CHRDL1: variants seen among roughly 807,000 people sequenced by gnomAD.
The protein encoded by CHRDL1 is chordin-like protein 1.
Under a neutral mutation model 40.9 loss-of-function variants are expected in CHRDL1, and 19 were observed. The ratio of observed to expected loss-of-function variants is 0.46; its 90% CI spans 0.32 to 0.68. The LOEUF is 0.68. Among genes scored for constraint, CHRDL1 ranks in the 30% least tolerant of loss-of-function variants. CHRDL1 has a pLI of 0.03. For missense variants in CHRDL1, 329 were observed against 352.1 expected, an observed-to-expected ratio of 0.93 and a Z score of 0.53; for synonymous variants, 136 against 123.4, an observed-to-expected ratio of 1.10 and a Z score of -0.68.
rs185944210 is a variant in CHRDL1, at chrX:110,716,279, C to G, written c.541+3556G>C. ...ATTCAGGGGGAAAAATGCACAACAA[C>G]CATATTCTTTTTTGGTAGCACCTAA... On this transcript the variant is annotated intron_variant, in intron 6 of 11. Coordinates refer to ENST00000372042, the MANE Select transcript of CHRDL1 (RefSeq NM_001143981.2). Among the ~76,000 whole-genome samples the G allele has an allele frequency of 1.6e-4, 18 of 110,412 alleles. No homozygotes were observed. In the East Asian group the frequency reaches 5.1e-3, roughly 31 times the overall value.
intron 8 of CHRDL1, among the ~76,000 whole-genome samples, chrX:110,691,859 GT>G (rs1236844135): frequency 2.7e-5 from 3 of 110,762 alleles, no homozygotes; most frequent in African/African-American, 9.9e-5. Context: ...CAACTGTGAG[GT>G]CAGGGCTGTG....
At chrX:110,759,834 G>T in intron 3 of CHRDL1, 80 bp from the exon 4 acceptor site, 1 of 654,180 alleles carries the variant, frequency 1.5e-6, no homozygotes, top group Non-Finnish European at 2.6e-6. Flanking sequence ...AAACAGTCAT[G>T]CAGGGACTCA....
chrX:110,682,236 A>G (rs1488658263), intron 9 of CHRDL1, among the ~76,000 whole-genome samples: 1 of 112,389 alleles, frequency 8.9e-6, no homozygotes, highest in African/African-American at 3.2e-5. Context: ...TTGTAAGGGG[A>G]ACAATAATAC....
intron 4 of CHRDL1, among the ~76,000 whole-genome samples, chrX:110,752,600 G>T (rs2089378970): frequency 9.0e-6 from 1 of 110,868 alleles, no homozygotes; most frequent in African/African-American, 3.3e-5. Context: ...CTGCTATTCA[G>T]ACACCAACAT....
At chrX:110,713,151 G>A (rs1025356232) in intron 6 of CHRDL1, among the ~76,000 whole-genome samples, 1 of 111,278 alleles carries the variant, frequency 9.0e-6, no homozygotes, top group African/African-American at 3.3e-5. Flanking sequence ...TCACCTCCCT[G>A]ACTAGGTCAA....
chrX:110,753,807 C>CAAGTG, intron 4 of CHRDL1, among the ~76,000 whole-genome samples: 1 of 111,708 alleles, frequency 9.0e-6, no homozygotes, highest in Admixed American at 9.5e-5. Flanking sequence ...TCAGAGTAAA[C>CAAGTG]AAGTGATTTT....
At chrX:110,753,966 C>T (rs1043025142) in intron 4 of CHRDL1, among the ~76,000 whole-genome samples, 3 of 112,071 alleles carry the variant, frequency 2.7e-5, no homozygotes, top group African/African-American at 9.7e-5. Flanking sequence ...ATAGAAATTG[C>T]ATTAGTTCAT....
At chrX:110,723,312 G>A (rs1413197119) in intron 4 of CHRDL1, among the ~76,000 whole-genome samples, 4 of 111,526 alleles carry the variant, frequency 3.6e-5, no homozygotes, top group Admixed American at 9.5e-5. Flanking sequence ...TTCTCAGTAT[G>A]TAGTGAAAAT....
intron 4 of CHRDL1, among the ~76,000 whole-genome samples, chrX:110,750,867 A>G (rs2089346672): frequency 8.9e-6 from 1 of 111,787 alleles, no homozygotes; most frequent in Non-Finnish European, 1.9e-5. Context: ...TCCTGGGGAA[A>G]TGTCACACAA....
At chrX:110,676,462 T>C (rs931595856) in intron 11 of CHRDL1, 101 bp from the exon 12 acceptor site, 14 of 758,113 alleles carry the variant, frequency 1.8e-5, no homozygotes, top group African/African-American at 4.3e-5. Context: ...CACTTACTCA[T>C]GGACCTACCA....
intron 4 of CHRDL1, among the ~76,000 whole-genome samples, chrX:110,738,576 C>T (rs780448680): frequency 9.1e-6 from 1 of 109,426 alleles, no homozygotes; most frequent in Non-Finnish European, 1.9e-5. Context: ...CCCCATCTCT[C>T]CTAAAAATAC....
chrX:110,775,342 A>C (rs755988626), intron 2 of CHRDL1, among the ~76,000 whole-genome samples: 14 of 111,763 alleles, frequency 1.3e-4, no homozygotes, highest in Admixed American at 3.8e-4. Flanking sequence ...CCACTAAAAA[A>C]ATAAAATTTG....
At chrX:110,709,527 C>A (rs991663761) in intron 6 of CHRDL1, among the ~76,000 whole-genome samples, 3 of 112,410 alleles carry the variant, frequency 2.7e-5, no homozygotes, top group Non-Finnish European at 3.8e-5. Flanking sequence ...TCGGCTCACA[C>A]CTTCTAAACT....
At chrX:110,704,706 T>TC (rs2070587682) in intron 6 of CHRDL1, among the ~76,000 whole-genome samples, 2 of 111,176 alleles carry the variant, frequency 1.8e-5, no homozygotes, top group African/African-American at 3.3e-5. Context: ...GATTTACTTG[T>TC]CCCCCTTGTT....
At chrX:110,677,542 A>T (rs1336758178) in intron 11 of CHRDL1, among the ~76,000 whole-genome samples, 1 of 111,677 alleles carries the variant, frequency 9.0e-6, no homozygotes, top group Non-Finnish European at 1.9e-5. Flanking sequence ...GTCCCCTGGA[A>T]CCTAGAACAA....
chrX:110,782,617 T>C (rs993372161), intron 2 of CHRDL1, among the ~76,000 whole-genome samples: 4 of 112,802 alleles, frequency 3.5e-5, no homozygotes, highest in Non-Finnish European at 7.5e-5. Flanking sequence ...AAAGACTATA[T>C]AAAATAGTGC....
At chrX:110,780,453 G>T in intron 2 of CHRDL1, among the ~76,000 whole-genome samples, 1 of 111,402 alleles carries the variant, frequency 9.0e-6, no homozygotes, top group Non-Finnish European at 1.9e-5. Flanking sequence ...TAATTACATA[G>T]TTCTACACCA....
intron 6 of CHRDL1, among the ~76,000 whole-genome samples, chrX:110,715,286 T>A (rs197028): frequency 1.8e-5 from 2 of 111,395 alleles, no homozygotes; most frequent in African/African-American, 6.6e-5. Context: ...GAACTAGAAC[T>A]AAAGTTCTGT....
chrX:110,772,475 C>T (rs1305973019), intron 2 of CHRDL1, among the ~76,000 whole-genome samples: 1 of 112,493 alleles, frequency 8.9e-6, no homozygotes, highest in African/African-American at 3.2e-5. Context: ...CCTGTTTCTA[C>T]TAAAAATACA....
Sources: allele counts gnomAD v4.1 joint callset (sites outside exome capture counted in the v4.1 genomes callset), GRCh38; gene constraint gnomAD v4.1.1; transcripts MANE v1.5; gene names NCBI Gene and HGNC (gene_info 2026-07-23, HGNC 2026-07-21).